CALB2: variants seen among roughly 807,000 people sequenced by gnomAD.
CALB2 encodes calretinin.
Under a neutral mutation model 45.9 loss-of-function variants are expected in CALB2, and 34 were observed. That is an observed-to-expected ratio of 0.74 (90% confidence interval 0.56 to 0.99). The LOEUF (loss-of-function observed/expected upper bound fraction) is 0.99, where lower values mean the gene tolerates loss of function less well. CALB2 is among the 50% of genes least tolerant of loss of function. The pLI is 0.00. For synonymous variants in CALB2, 142 were observed against 129.6 expected (o/e 1.10, Z -0.65); for missense variants, 344 against 339.3 (o/e 1.01, Z -0.11).
intron 4 of CALB2, among the ~76,000 whole-genome samples, chr16:71,379,709 C>A (rs755984713): frequency 6.6e-6 from 1 of 152,306 alleles, no homozygotes. Flanking sequence ...GTAATCCCCT[C>A]TCTGTGATCC....
At chr16:71,367,824 A>AG (rs752306688) in intron 1 of CALB2, among the ~76,000 whole-genome samples, 2 of 152,140 alleles carry the variant, frequency 1.3e-5, no homozygotes, top group South Asian at 2.1e-4. Context: ...TAGTGTGGGG[A>AG]GGGGGGTTCC....
intron 4 of CALB2, among the ~76,000 whole-genome samples, chr16:71,381,148 C>A (rs899479120): frequency 6.6e-6 from 1 of 152,210 alleles, no homozygotes; most frequent in Admixed American, 6.5e-5. Context: ...TCTTCCTCTT[C>A]TCAGTAAAGA....
rs200354942 is a variant in CALB2, at chr16:71,389,898, C to A, written c.*33C>A. On this transcript the variant is annotated 3_prime_UTR_variant, in exon 11 of 11. Transcript: ENST00000302628. ...ACGGGGGCTGCTTCTCCACCTCCCC[C>A]AAACCCTGCTTCTGCTGCCCTGATG... 3.4e-6 allele frequency: 5 copies of A among 1,488,472 alleles called. No homozygotes were observed. Among genetic ancestry groups the A allele is most frequent in the Non-Finnish European group, 4.7e-6 (5 of 1,069,104 alleles). 92.2% of individuals were successfully genotyped at this position (1,488,472 alleles called of 1,614,324 possible).
At chr16:71,382,985 C>G (rs565386466) in intron 5 of CALB2, among the ~76,000 whole-genome samples, 1 of 152,308 alleles carries the variant, frequency 6.6e-6, no homozygotes, top group African/African-American at 2.4e-5. Flanking sequence ...AAACCCAGCT[C>G]TTCTGCACCT....
intron 1 of CALB2, among the ~76,000 whole-genome samples, chr16:71,364,431 T>C (rs886176039): frequency 6.6e-6 from 1 of 152,130 alleles, no homozygotes; most frequent in African/African-American, 2.4e-5. Context: ...CCAAAGGAGC[T>C]AGAATTAATA....
intron 4 of CALB2, among the ~76,000 whole-genome samples, chr16:71,381,412 A>G (rs1009212813): frequency 6.7e-6 from 1 of 149,158 alleles, no homozygotes; most frequent in African/African-American, 2.4e-5. Flanking sequence ...CTTGTGACAA[A>G]AAAAAAAAAA....
At chr16:71,362,308 G>A (rs2042244317) in intron 1 of CALB2, among the ~76,000 whole-genome samples, 1 of 152,156 alleles carries the variant, frequency 6.6e-6, no homozygotes, top group Non-Finnish European at 1.5e-5. Context: ...GCTCCAAAGA[G>A]AAATGCCTTA....
intron 1 of CALB2, among the ~76,000 whole-genome samples, chr16:71,364,165 ACT>A (rs1183914444): frequency 2.6e-5 from 4 of 151,756 alleles, no homozygotes; most frequent in Admixed American, 2.6e-4. Context: ...TGCTTCTCAG[ACT>A]CTGATTGCAC....
At chr16:71,372,067 A>T in intron 1 of CALB2, 86 bp from the exon 2 acceptor site, 1 of 927,900 alleles carries the variant, frequency 1.1e-6, no homozygotes, top group South Asian at 1.3e-5. Context: ...GGGAGAAGAC[A>T]TTCTCCACGA....
In CALB2 at chr16:71,382,767, G is replaced by A. The variant is rs768151389; in HGVS notation, c.391G>A (p.Glu131Lys). The A allele has an allele frequency of 1.4e-5, 22 of 1,611,758 alleles. No individual in the cohort carries two copies. In the Admixed American group the frequency reaches 3.0e-4, roughly 22 times the overall value. ...TDRSGYIEAN[E>K]LKGFLSDLLK... ...CAGGAGTGGCTACATCGAAGCCAAT[G>A]AGCTCAAGGTAGGATGGGCCTTGGG... Residue 131 changes from glutamate to lysine, a missense_variant, in exon 5 of 11, where the codon GAG becomes AAG. Physicochemically the swap from Glu to Lys is moderately conservative, Grantham distance 56. Coordinates refer to ENST00000302628, the MANE Select transcript of CALB2 (RefSeq NM_001740.5).
At chr16:71,365,822 C>A (rs866643008) in intron 1 of CALB2, among the ~76,000 whole-genome samples, 2 of 151,754 alleles carry the variant, frequency 1.3e-5, no homozygotes, top group Non-Finnish European at 2.9e-5. Context: ...CGGTTCCAAG[C>A]CTTTACTGTT....
chr16:71,380,606 C>G (rs1018584114), intron 4 of CALB2, among the ~76,000 whole-genome samples: 22 of 152,204 alleles, frequency 1.4e-4, no homozygotes, highest in African/African-American at 5.3e-4. Context: ...CCATGCCCAG[C>G]CTCAGGATTT....
At chr16:71,384,295 G>A in intron 7 of CALB2, 44 bp from the exon 8 acceptor site, 3 of 1,554,000 alleles carry the variant, frequency 1.9e-6, no homozygotes, top group South Asian at 2.2e-5. Context: ...GCTTGCCCTT[G>A]CCTGTGCAGT....
intron 2 of CALB2, 42 bp from the exon 3 acceptor site, chr16:71,374,703 G>A (rs375585271): frequency 2.3e-5 from 31 of 1,339,832 alleles, no homozygotes; most frequent in Middle Eastern, 1.8e-4. Flanking sequence ...TGGTTCACAT[G>A]AGATACAGCA....
chr16:71,386,196 T>C (rs558304161), intron 10 of CALB2, among the ~76,000 whole-genome samples: 62 of 152,366 alleles, frequency 4.1e-4, no homozygotes, highest in South Asian at 1.0e-3. Flanking sequence ...TAAAGCTGAA[T>C]AATGCTGCAT....
chr16:71,384,124 G>T, intron 7 of CALB2, 99 bp downstream of exon 7: 1 of 1,335,674 alleles, frequency 7.5e-7, no homozygotes, highest in Non-Finnish European at 1.1e-6. Flanking sequence ...GACAGGTGCG[G>T]GTGTCAAGAA....
intron 1 of CALB2, among the ~76,000 whole-genome samples, chr16:71,368,263 C>T (rs766993457): frequency 8.5e-5 from 13 of 152,206 alleles, no homozygotes; most frequent in Non-Finnish European, 1.5e-4. Flanking sequence ...TGGCTCACGC[C>T]TGTAATCCCA....
At chr16:71,382,172 AG>A (rs1213005031) in intron 4 of CALB2, among the ~76,000 whole-genome samples, 4 of 144,102 alleles carry the variant, frequency 2.8e-5, no homozygotes, top group Non-Finnish European at 4.4e-5. Flanking sequence ...AAAGGAAGGA[AG>A]GAACGAAAGA....
chr16:71,360,709 T>TA (rs2042229321), intron 1 of CALB2, among the ~76,000 whole-genome samples: 1 of 152,202 alleles, frequency 6.6e-6, no homozygotes, highest in African/African-American at 2.4e-5. Flanking sequence ...CGCAGATCCT[T>TA]ACGTTGATCT....
Sources: allele counts gnomAD v4.1 joint callset (sites outside exome capture counted in the v4.1 genomes callset), GRCh38; gene constraint gnomAD v4.1.1; transcripts MANE v1.5; gene names NCBI Gene and HGNC (gene_info 2026-07-23, HGNC 2026-07-21).